The following CCDC7 variants were observed in gnomAD, a reference collection of about 807,000 sequenced individuals.
CCDC7 encodes coiled-coil domain-containing protein 7.
Under a neutral mutation model 196.9 loss-of-function variants are expected in CCDC7, and 183 were observed. The ratio of observed to expected loss-of-function variants is 0.93; its 90% confidence interval spans 0.82 to 1.05. The LOEUF (loss-of-function observed/expected upper bound fraction) is 1.05. CCDC7 is among the 50% of genes least tolerant of loss of function. The pLI is 0.00. For missense variants in CCDC7, 1,540 were observed against 1,482.2 expected (o/e 1.04, Z -0.64); for synonymous variants, 525 against 484.6 (o/e 1.08, Z -1.10).
intron 21 of CCDC7, among the ~76,000 whole-genome samples, chr10:32,664,891 G>T (rs1057106160): frequency 3.9e-5 from 6 of 151,924 alleles, no homozygotes; most frequent in African/African-American, 7.2e-5. Flanking sequence ...AATCCCTGTA[G>T]TGTTTTCCAT....
chr10:32,558,786 C>A (rs56393147), intron 13 of CCDC7, among the ~76,000 whole-genome samples: 12,957 of 152,278 alleles, frequency 0.085, 905 homozygotes, highest in African/African-American at 0.19. Context: ...GTACTGGGTT[C>A]ATCTCACTAG....
intron 21 of CCDC7, among the ~76,000 whole-genome samples, chr10:32,680,833 A>G (rs2075758788): frequency 6.6e-6 from 1 of 152,174 alleles, no homozygotes; most frequent in Non-Finnish European, 1.5e-5. Flanking sequence ...ATGGGGACAT[A>G]AGGACCTGAT....
At chr10:32,517,870 A>AT (rs2047285348) in intron 9 of CCDC7, 75 bp from the exon 11 acceptor site, 1 of 1,523,664 alleles carries the variant, frequency 6.6e-7, no homozygotes, top group African/African-American at 1.4e-5. Context: ...AGAAAAAAAA[A>AT]GAAAATGTGT....
At chr10:32,471,690 T>G (rs2037983759) in intron 6 of CCDC7, among the ~76,000 whole-genome samples, 1 of 152,194 alleles carries the variant, frequency 6.6e-6, no homozygotes, top group South Asian at 2.1e-4. Context: ...TTTACATTTA[T>G]AAGCAACCAT....
At chr10:32,866,690 C>A (rs777636607) in intron 41 of CCDC7, among the ~76,000 whole-genome samples, 8 of 151,290 alleles carry the variant, frequency 5.3e-5, no homozygotes, top group African/African-American at 1.5e-4. Context: ...AAAGCTATTT[C>A]TTTCAATAGA....
chr10:32,547,760 A>G lies in CCDC7; in HGVS notation c.1134+3459A>G, dbSNP rs544261556. Among the ~76,000 whole-genome samples, 11 of 152,232 alleles carry G rather than the reference A, an allele frequency of 7.2e-5. No individual in the cohort carries two copies. The South Asian group carries it at 2.3e-3, about 32-fold the overall frequency. On this transcript the variant is annotated intron_variant, in intron 13 of 41. Transcript: ENST00000639629. ...TTTGTGTTATAGATAATCCAATTAT[A>G]CTTTCTTAGTTGTTTTTGTCATTTA...
At chr10:32,652,635 A>T (rs2068979001) in intron 20 of CCDC7, among the ~76,000 whole-genome samples, 1 of 152,134 alleles carries the variant, frequency 6.6e-6, no homozygotes, top group Non-Finnish European at 1.5e-5. Context: ...TAATTATTTT[A>T]ACCTGATGAC....
intron 28 of CCDC7, among the ~76,000 whole-genome samples, chr10:32,744,204 A>G (rs979216283): frequency 6.6e-5 from 10 of 152,162 alleles, no homozygotes; most frequent in Admixed American, 1.3e-4. Context: ...AAATCTAAGA[A>G]CAAATAATGT....
In CCDC7 at chr10:32,667,738, T is replaced by C. The variant is rs1337581760; in HGVS notation, c.2122+3577T>C. On this transcript the variant is annotated intron_variant, in intron 21 of 41. Coordinates refer to ENST00000639629, the Ensembl canonical transcript of CCDC7. ...GTCCCATTGGTCCATATCTCTGTTTTGGTACCAGCACCATGCTCTTTTGGT... is the reference window on the plus strand; with the variant it reads ...GTCCCATTGGTCCATATCTCTGTTTCGGTACCAGCACCATGCTCTTTTGGT... Among the ~76,000 whole-genome samples the C allele has an allele frequency of 2.0e-5, 3 of 152,310 alleles. No homozygotes were observed. The East Asian group carries it at 5.8e-4, about 29-fold the overall frequency.
chr10:32,752,670 C>T (rs978069975), intron 28 of CCDC7, among the ~76,000 whole-genome samples: 2 of 152,104 alleles, frequency 1.3e-5, no homozygotes, highest in African/African-American at 4.8e-5. Flanking sequence ...GAAAAGTTTG[C>T]TTCTCAATGT....
chr10:32,849,921 G>T (rs2093480069), intron 39 of CCDC7, among the ~76,000 whole-genome samples: 1 of 152,020 alleles, frequency 6.6e-6, no homozygotes, highest in South Asian at 2.1e-4. Flanking sequence ...TTCTGCAGGG[G>T]GGAACTTGGA....
chr10:32,551,577 C>T (rs1304630268), intron 13 of CCDC7, among the ~76,000 whole-genome samples: 1 of 151,962 alleles, frequency 6.6e-6, no homozygotes, highest in South Asian at 2.1e-4. Context: ...CTGTATCCCA[C>T]AGGTTTTGGT....
At chr10:32,544,190 A>G in intron 12 of CCDC7, 57 bp from the exon 14 acceptor site, 1 of 1,453,160 alleles carries the variant, frequency 6.9e-7, no homozygotes, top group Non-Finnish European at 9.4e-7. Flanking sequence ...TCAAGAAAGC[A>G]AAGCAGTGAT....
intron 18 of CCDC7, among the ~76,000 whole-genome samples, chr10:32,584,605 A>T (rs756493917): frequency 6.6e-6 from 1 of 151,432 alleles, no homozygotes; most frequent in South Asian, 2.1e-4. Context: ...AAAATACAAA[A>T]ATTAGCTGGG....
intron 31 of CCDC7, among the ~76,000 whole-genome samples, chr10:32,818,172 G>A (rs1164982217): frequency 6.6e-6 from 1 of 152,052 alleles, no homozygotes; most frequent in African/African-American, 2.4e-5. Flanking sequence ...AACAAAAAAA[G>A]GCAAGGGTTG....
At chr10:32,496,871 G>T (rs766228957) in intron 9 of CCDC7, among the ~76,000 whole-genome samples, 12 of 152,078 alleles carry the variant, frequency 7.9e-5, no homozygotes, top group Non-Finnish European at 1.5e-4. Flanking sequence ...TTGTGTCTCT[G>T]CCAGGTCTTG....
rs375602830 is a variant in CCDC7, at chr10:32,847,716, A to G, written c.3689-117A>G. Reference sequence around the variant, plus strand: ...AGTGACAGAACAAGATCCTGTCTCTAAAAAAAAAAAGGAAAAGAAAAGAAA... The same window carrying G: ...AGTGACAGAACAAGATCCTGTCTCTGAAAAAAAAAAGGAAAAGAAAAGAAA... On this transcript the variant is annotated intron_variant, in intron 37 of 41. Transcript: ENST00000639629. 1.3e-5 allele frequency: 3 copies of G among 239,924 alleles called. No individual in the cohort carries two copies. The Admixed American group carries it at 1.8e-4, about 14-fold the overall frequency. The allele number at this position is 239,924 out of a possible 1,614,324, so 14.9% of individuals were successfully genotyped here.
intron 24 of CCDC7, among the ~76,000 whole-genome samples, chr10:32,706,865 A>T (rs2079862133): frequency 1.3e-5 from 2 of 152,240 alleles, no homozygotes; most frequent in South Asian, 4.1e-4. Context: ...GACCTGATGG[A>T]TTTACAGCCG....
chr10:32,794,606 T>G (rs74870688), intron 29 of CCDC7, among the ~76,000 whole-genome samples: 2,563 of 152,312 alleles, frequency 0.017, 73 homozygotes, highest in African/African-American at 0.051. Flanking sequence ...TTTTGACTTC[T>G]TAAAAGTAGC....
Sources: gnomAD v4.1 joint callset for allele counts (sites outside exome capture counted in the v4.1 genomes callset) on GRCh38, gnomAD v4.1.1 for gene constraint, MANE v1.5 for transcripts, NCBI Gene and HGNC (gene_info 2026-07-23, HGNC 2026-07-21) for gene names.